The following KLF7 variants were observed in gnomAD, a reference collection of about 807,000 sequenced individuals.
The protein encoded by KLF7 is Krueppel-like factor 7.
Under a neutral mutation model 27.3 loss-of-function variants are expected in KLF7, and 2 were observed. That is an observed-to-expected ratio of 0.07 (90% CI 0.03 to 0.23). The LOEUF is 0.23. Ranked by LOEUF, KLF7 falls within the 10% of genes least tolerant of loss-of-function variation. The pLI is 1.00. For missense variants in KLF7, 221 were observed against 394.1 expected (o/e 0.56, Z 3.72); for synonymous variants, 165 against 162.4 (o/e 1.02, Z -0.12).
intron 2 of KLF7, among the ~76,000 whole-genome samples, chr2:207,109,803 C>T (rs1417137373): frequency 1.3e-5 from 2 of 152,152 alleles, no homozygotes; most frequent in African/African-American, 4.8e-5. Context: ...TACTAATTCC[C>T]TACTGGATCT....
chr2:207,134,154 A>ATTTTTTT (rs35538720), intron 1 of KLF7: 28,462 of 1,132,186 alleles, frequency 0.025, 333 homozygotes, highest in South Asian at 0.045. Flanking sequence ...GGCTACTGGG[A>ATTTTTTT]TTTTTTTTTT....
At chr2:207,133,051 ATAAC>A (rs1302943114) in intron 1 of KLF7, among the ~76,000 whole-genome samples, 5 of 152,186 alleles carry the variant, frequency 3.3e-5, no homozygotes, top group African/African-American at 1.2e-4. Flanking sequence ...CCACTGGACT[ATAAC>A]TAAATTACAG....
chr2:207,126,708 C>T (rs571030095), intron 1 of KLF7, among the ~76,000 whole-genome samples: 4 of 151,784 alleles, frequency 2.6e-5, no homozygotes, highest in East Asian at 1.9e-4. Flanking sequence ...ATGGCTGAGG[C>T]GGGAGAATCA....
chr2:207,117,714 C>A (rs1052896350), intron 2 of KLF7, among the ~76,000 whole-genome samples: 1 of 152,138 alleles, frequency 6.6e-6, no homozygotes, highest in African/African-American at 2.4e-5. Flanking sequence ...ATATGCCTGA[C>A]CTTGAATTAG....
chr2:207,143,897 C>A (rs2078016682), intron 1 of KLF7, among the ~76,000 whole-genome samples: 1 of 152,152 alleles, frequency 6.6e-6, no homozygotes, highest in Admixed American at 6.5e-5. Context: ...GGCCCATCCC[C>A]CACACATTCC....
chr2:207,109,703 G>A (rs2076976239), intron 2 of KLF7, among the ~76,000 whole-genome samples: 1 of 152,182 alleles, frequency 6.6e-6, no homozygotes, highest in African/African-American at 2.4e-5. Flanking sequence ...GATCTGAGTA[G>A]GAACGCCTCA....
intron 1 of KLF7, among the ~76,000 whole-genome samples, chr2:207,150,655 T>C (rs1362256850): frequency 6.6e-6 from 1 of 152,216 alleles, no homozygotes; most frequent in Non-Finnish European, 1.5e-5. Flanking sequence ...CTTTGTTTTA[T>C]ACTGATAAAG....
chr2:207,101,275 C>T (rs560299714), intron 2 of KLF7, among the ~76,000 whole-genome samples: 39 of 152,210 alleles, frequency 2.6e-4, no homozygotes, highest in Non-Finnish European at 5.4e-4. Context: ...AATGGAAAGG[C>T]TCTTCACGTT....
rs571561471 is a variant in KLF7, at chr2:207,108,492, G to A, written c.733+15282C>T. Among the ~76,000 whole-genome samples, 46 of 152,298 alleles carry A rather than the reference G, an allele frequency of 3.0e-4. 1 individual carries two copies. In the South Asian group the frequency reaches 9.5e-3, roughly 32 times the overall value. ...CCTCAAAAGAGTGGAGCCCTCAGGG[G>A]TAATGTGTGTTATTCCTTCAGCCTT... On this transcript the variant is annotated intron_variant, in intron 2 of 3. Transcript: ENST00000309446.
intron 1 of KLF7, among the ~76,000 whole-genome samples, chr2:207,146,580 T>C (rs2078103605): frequency 1.3e-5 from 2 of 152,138 alleles, no homozygotes; most frequent in Admixed American, 1.3e-4. Context: ...CTTTCTGTTG[T>C]CCTGTGTTTC....
At chr2:207,108,002 T>A (rs531558647) in intron 2 of KLF7, among the ~76,000 whole-genome samples, 3 of 152,270 alleles carry the variant, frequency 2.0e-5, no homozygotes, top group African/African-American at 4.8e-5. Flanking sequence ...AACAGATTTT[T>A]AAAAAAATGC....
At chr2:207,132,090 A>C (rs2077652606) in intron 1 of KLF7, among the ~76,000 whole-genome samples, 1 of 152,214 alleles carries the variant, frequency 6.6e-6, no homozygotes, top group African/African-American at 2.4e-5. Flanking sequence ...AGGAAATATT[A>C]GGAGAGAAAG....
intron 2 of KLF7, among the ~76,000 whole-genome samples, chr2:207,091,175 C>G (rs2076503009): frequency 6.6e-6 from 1 of 152,208 alleles, no homozygotes; most frequent in Admixed American, 6.5e-5. Context: ...AAGTGGACGT[C>G]TTTGGATATT....
At chr2:207,082,666 C>T (rs906907366) in intron 3 of KLF7, among the ~76,000 whole-genome samples, 3 of 152,160 alleles carry the variant, frequency 2.0e-5, no homozygotes, top group East Asian at 1.9e-4. Context: ...CTGGATCATT[C>T]GCCTGAAACT....
intron 1 of KLF7, among the ~76,000 whole-genome samples, chr2:207,160,160 T>G (rs1330434192): frequency 6.6e-6 from 1 of 152,204 alleles, no homozygotes; most frequent in African/African-American, 2.4e-5. Flanking sequence ...TTAACACCAT[T>G]AGTAGTTGAG....
chr2:207,141,088 T>C (rs1292387287), intron 1 of KLF7, among the ~76,000 whole-genome samples: 2 of 152,126 alleles, frequency 1.3e-5, no homozygotes, highest in South Asian at 2.1e-4. Context: ...TATAGAGATA[T>C]ATAAAATGGA....
intron 2 of KLF7, among the ~76,000 whole-genome samples, chr2:207,105,280 T>C (rs911025977): frequency 6.6e-6 from 1 of 152,204 alleles, no homozygotes; most frequent in African/African-American, 2.4e-5. Context: ...AGGTACTGAC[T>C]GGGCTGGAGT....
chr2:207,085,164 GAAAAAAAAAAAAAAA>G (rs1015691241), intron 3 of KLF7, among the ~76,000 whole-genome samples: 3 of 22,986 alleles, frequency 1.3e-4, no homozygotes, highest in Non-Finnish European at 2.3e-4. Flanking sequence ...TGTCTCAAAT[GAAAAAAAAAAAAAAA>G]AAAAAAAAAA....
rs1031569204 is a variant in KLF7, at chr2:207,124,492, G to A, written c.103-88C>T. The A allele has an allele frequency of 9.6e-5, 128 of 1,328,120 alleles. 1 individual carries two copies. Among genetic ancestry groups the A allele is most frequent in the Non-Finnish European group, 1.3e-4 (122 of 966,926 alleles). The allele number at this position is 1,328,120 out of a possible 1,614,324, so 82.3% of individuals were successfully genotyped here. A position where few individuals can be genotyped will look rare whatever the true frequency, so the allele number is the denominator to read the frequency against. On this transcript the variant is annotated intron_variant, in intron 1 of 3. Transcript: ENST00000309446. Reference sequence around the variant, plus strand: ...ACGTTGACAGGCAGAGGGGGAAGGTGCAGAGAGAATGGTGTCATGGCTTGT... The same window carrying A: ...ACGTTGACAGGCAGAGGGGGAAGGTACAGAGAGAATGGTGTCATGGCTTGT...
Sources: allele counts gnomAD v4.1 joint callset (sites outside exome capture counted in the v4.1 genomes callset), GRCh38; gene constraint gnomAD v4.1.1; transcripts MANE v1.5; gene names NCBI Gene and HGNC (gene_info 2026-07-23, HGNC 2026-07-21).